ISOC1: variants seen among roughly 807,000 people sequenced by gnomAD.
The protein encoded by ISOC1 is isochorismatase domain-containing protein 1.
Under a neutral mutation model 30.0 loss-of-function variants are expected in ISOC1, and 33 were observed. That is an observed-to-expected ratio of 1.10 (90% confidence interval 0.83 to 1.47). The LOEUF is 1.47. Among genes scored for constraint, ISOC1 ranks in the 40% most tolerant of loss-of-function variants. The probability of loss-of-function intolerance (pLI) is 0.00; values close to 1 mark genes in which losing one functional copy is unlikely to be tolerated. For missense variants in ISOC1, 372 were observed against 388.0 expected, an observed-to-expected ratio of 0.96 and a Z score of 0.35; for synonymous variants, 178 against 159.8, an observed-to-expected ratio of 1.11 and a Z score of -0.86.
intron 1 of ISOC1, among the ~76,000 whole-genome samples, chr5:129,100,472 A>G (rs1753556698): frequency 6.6e-6 from 1 of 152,136 alleles, no homozygotes; most frequent in Non-Finnish European, 1.5e-5. Flanking sequence ...ATGTGTAGGC[A>G]TATAGATATA....
intron 1 of ISOC1, among the ~76,000 whole-genome samples, chr5:129,097,062 CTT>C (rs979034078): frequency 1.1e-4 from 16 of 151,880 alleles, no homozygotes; most frequent in Middle Eastern, 3.4e-3. Flanking sequence ...GTATAGTTCA[CTT>C]TTTTTTGGTG....
chr5:129,097,259 G>A (rs1156470159), intron 1 of ISOC1, among the ~76,000 whole-genome samples: 1 of 151,864 alleles, frequency 6.6e-6, no homozygotes, highest in Non-Finnish European at 1.5e-5. Context: ...GACTTCTTCA[G>A]CCTGATGCCT....
In ISOC1 at chr5:129,094,893, C is replaced by T; in HGVS notation, c.127C>T (p.His43Tyr). 1 of 1,610,006 alleles carries T rather than the reference C, an allele frequency of 6.2e-7. No individual in the cohort carries two copies. The highest frequency in any genetic ancestry group is 8.5e-7 in the Non-Finnish European group (1 of 1,179,132). The change falls in exon 1 of 5, where the codon CAC (histidine) becomes TAC (tyrosine). Residue 43 changes from histidine (H) to tyrosine (Y), a missense_variant. By Grantham distance (83) the His-to-Tyr change is moderately conservative (BLOSUM62 2). Coordinates refer to ENST00000173527, the MANE Select transcript of ISOC1 (RefSeq NM_016048.2). Reference protein sequence around the residue: ...SVFARPSSVPHGAGYELLIQK... With the variant: ...SVFARPSSVPYGAGYELLIQK... Reference sequence around the variant, plus strand: ...CTTCGCGCGACCCTCGTCGGTGCCACACGGGGCGGGCTACGAGCTGCTCAT... The same window carrying T: ...CTTCGCGCGACCCTCGTCGGTGCCATACGGGGCGGGCTACGAGCTGCTCAT...
intron 4 of ISOC1, among the ~76,000 whole-genome samples, chr5:129,110,384 G>T (rs1342428872): frequency 6.6e-6 from 1 of 152,168 alleles, no homozygotes; most frequent in Non-Finnish European, 1.5e-5. Flanking sequence ...TGCTAGGTAT[G>T]TCTGGAAAGC....
At chr5:129,104,815 A>C (rs766328) in intron 1 of ISOC1, 141 bp from the exon 2 acceptor site, 1 of 700,366 alleles carries the variant, frequency 1.4e-6, no homozygotes, top group East Asian at 2.8e-5. Flanking sequence ...TGTAATTCAG[A>C]TACTTTTTTT....
intron 1 of ISOC1, among the ~76,000 whole-genome samples, chr5:129,101,161 C>CAAAAAAAA (rs1156603818): frequency 5.1e-4 from 10 of 19,502 alleles, no homozygotes; most frequent in Admixed American, 1.1e-3. Context: ...CTCAGCTAAT[C>CAAAAAAAA]AAAAAAAAAA....
rs748055598 is a variant in ISOC1 at position 129,094,799 on chromosome 5, C to G, written c.33C>G (p.Leu11=). Residue 11 remains leucine (L), a synonymous_variant, in exon 1 of 5, where the codon CTC becomes CTG. Coordinates refer to ENST00000173527, the MANE Select transcript of ISOC1 (RefSeq NM_016048.2). ...CTGCGGAGCCGGCGGTCCTTGCGCT[C>G]CCCAACAGCGGCGCCGGGGGCGCGG... MAAAEPAVLA[L]PNSGAGGAGA... is the part of the protein sequence containing the mutation. 2 of 1,532,100 alleles carry G rather than the reference C, an allele frequency of 1.3e-6. No individual in the cohort carries two copies. Among genetic ancestry groups the G allele is most frequent in the Non-Finnish European group, 1.7e-6 (2 of 1,144,310 alleles). 94.9% of individuals were successfully genotyped at this position (1,532,100 alleles called of 1,614,324 possible).
At chr5:129,103,821 ATAAT>A (rs1403020587) in intron 1 of ISOC1, among the ~76,000 whole-genome samples, 1 of 152,158 alleles carries the variant, frequency 6.6e-6, no homozygotes, top group Non-Finnish European at 1.5e-5. Flanking sequence ...ACAAAGTAGG[ATAAT>A]TAGAGGGATG....
chr5:129,106,516 TTTCCCACTAAGTTCTCAGTC>T (rs1389713002), intron 3 of ISOC1, among the ~76,000 whole-genome samples: 2 of 152,198 alleles, frequency 1.3e-5, no homozygotes, highest in African/African-American at 2.4e-5. Flanking sequence ...ATGACTCAGT[TTTCCCACTAAGTTCTCAGTC>T]TGCAAGACTG....
chr5:129,111,304 T>C (rs1356854241), intron 4 of ISOC1, among the ~76,000 whole-genome samples: 1 of 152,144 alleles, frequency 6.6e-6, no homozygotes, highest in Non-Finnish European at 1.5e-5. Context: ...TTTAAAAAAT[T>C]GCTGCAAAGT....
chr5:129,094,817 G>C lies in ISOC1; in HGVS notation c.51G>C (p.Gly17=), dbSNP rs756158264. 2 of 1,539,894 alleles carry C rather than the reference G, an allele frequency of 1.3e-6. No individual in the cohort carries two copies. Among genetic ancestry groups the C allele is most frequent in the Non-Finnish European group, 1.7e-6 (2 of 1,146,712 alleles). ...AVLALPNSGA[G]GAGAPSGTVP... ...TTGCGCTCCCCAACAGCGGCGCCGGGGGCGCGGGGGCGCCGTCGGGCACAG... is the reference window on the plus strand; with the variant it reads ...TTGCGCTCCCCAACAGCGGCGCCGGCGGCGCGGGGGCGCCGTCGGGCACAG... Residue 17 remains glycine (G), a synonymous_variant, in exon 1 of 5, where the codon GGG becomes GGC. Transcript: ENST00000173527.
intron 1 of ISOC1, among the ~76,000 whole-genome samples, chr5:129,096,799 C>T (rs1388216625): frequency 6.6e-6 from 1 of 152,122 alleles, no homozygotes; most frequent in Non-Finnish European, 1.5e-5. Context: ...CCTGTTACGG[C>T]TTGGAGGGAG....
At chr5:129,096,824 T>G (rs1366787444) in intron 1 of ISOC1, among the ~76,000 whole-genome samples, 1 of 152,182 alleles carries the variant, frequency 6.6e-6, no homozygotes, top group Non-Finnish European at 1.5e-5. Context: ...GGCTCTTATC[T>G]AAGATAATGC....
chr5:129,096,745 C>T (rs1485303516), intron 1 of ISOC1, among the ~76,000 whole-genome samples: 1 of 152,156 alleles, frequency 6.6e-6, no homozygotes, highest in Admixed American at 6.5e-5. Context: ...ATACTAACTG[C>T]GGAGGTCTGG....
intron 4 of ISOC1, among the ~76,000 whole-genome samples, chr5:129,108,041 A>G (rs1753659713): frequency 6.6e-6 from 1 of 152,204 alleles, no homozygotes; most frequent in African/African-American, 2.4e-5. Flanking sequence ...TTTTAGAGCA[A>G]TGTGCATGTG....
chr5:129,097,023 G>A (rs1023977016), intron 1 of ISOC1, among the ~76,000 whole-genome samples: 1 of 152,196 alleles, frequency 6.6e-6, no homozygotes, highest in Non-Finnish European at 1.5e-5. Flanking sequence ...TGTAGCTTTT[G>A]CAGTGTTTTG....
intron 1 of ISOC1, among the ~76,000 whole-genome samples, chr5:129,096,739 T>G (rs951644810): frequency 6.6e-5 from 10 of 152,234 alleles, no homozygotes; most frequent in Admixed American, 2.0e-4. Flanking sequence ...ATCCAAATAC[T>G]AACTGCGGAG....
intron 4 of ISOC1, among the ~76,000 whole-genome samples, chr5:129,111,203 C>T (rs1753704802): frequency 6.6e-6 from 1 of 152,046 alleles, no homozygotes; most frequent in Non-Finnish European, 1.5e-5. Context: ...GATAACTCAC[C>T]CCTGGTGTGT....
intron 1 of ISOC1, among the ~76,000 whole-genome samples, chr5:129,103,430 G>A (rs1476595302): frequency 6.6e-6 from 1 of 152,134 alleles, no homozygotes; most frequent in African/African-American, 2.4e-5. Flanking sequence ...TATTGGAAAA[G>A]TAGGAAAACC....
Sources: allele counts gnomAD v4.1 joint callset (sites outside exome capture counted in the v4.1 genomes callset), GRCh38; gene constraint gnomAD v4.1.1; transcripts MANE v1.5; gene names NCBI Gene and HGNC (gene_info 2026-07-23, HGNC 2026-07-21).